Variants in FKBP6 observed in about 807,000 individuals in gnomAD.
The protein encoded by FKBP6 is inactive peptidyl-prolyl cis-trans isomerase FKBP6.
In FKBP6, 29 loss-of-function variants were observed where a neutral mutation model predicts 41.7. The observed-to-expected ratio is 0.70, with a 90% CI of 0.52 to 0.95. FKBP6 has a LOEUF of 0.95. Ranked by LOEUF, FKBP6 falls within the 40% of genes least tolerant of loss-of-function variation. The pLI, the probability that FKBP6 is intolerant of heterozygous loss-of-function variation, is 0.00. For missense variants in FKBP6, 338 were observed against 408.7 expected, an observed-to-expected ratio of 0.83 and a Z score of 1.49; for synonymous variants, 130 against 165.1, an observed-to-expected ratio of 0.79 and a Z score of 1.63.
chr7:73,331,153 A>G (rs1455871018), intron 4 of FKBP6, among the ~76,000 whole-genome samples: 3 of 152,190 alleles, frequency 2.0e-5, no homozygotes, highest in African/African-American at 4.8e-5. Flanking sequence ...GAGAGGCTCT[A>G]TGGGTGACTC....
intron 4 of FKBP6, among the ~76,000 whole-genome samples, chr7:73,331,007 C>T (rs1449611268): frequency 6.6e-6 from 1 of 152,252 alleles, no homozygotes; most frequent in Non-Finnish European, 1.5e-5. Flanking sequence ...CACATGGAGT[C>T]TCCCCAGCTA....
chr7:73,354,798 C>G (rs1805582899), intron 8 of FKBP6, among the ~76,000 whole-genome samples: 1 of 152,172 alleles, frequency 6.6e-6, no homozygotes, highest in Non-Finnish European at 1.5e-5. Flanking sequence ...CCAGGGTCTT[C>G]TCACCAGATG....
At chr7:73,347,612 T>A (rs189269255) in intron 8 of FKBP6, among the ~76,000 whole-genome samples, 2 of 152,356 alleles carry the variant, frequency 1.3e-5, no homozygotes, top group Admixed American at 1.3e-4. Flanking sequence ...ACTGATGTTC[T>A]TGGCTTCATA....
At chr7:73,354,959 G>A (rs1014362458) in intron 8 of FKBP6, among the ~76,000 whole-genome samples, 3 of 152,190 alleles carry the variant, frequency 2.0e-5, no homozygotes, top group South Asian at 2.1e-4. Context: ...TTTGTCCTCC[G>A]ATTTCCGACA....
chr7:73,350,082 C>T (rs782690124), intron 8 of FKBP6, among the ~76,000 whole-genome samples: 7 of 152,180 alleles, frequency 4.6e-5, no homozygotes, highest in Non-Finnish European at 8.8e-5. Flanking sequence ...ATATTTCTGA[C>T]TATGTCACAG....
chr7:73,329,493 G>A (rs1554547164), intron 3 of FKBP6, 44 bp downstream of exon 3: 2 of 1,157,814 alleles, frequency 1.7e-6, no homozygotes, highest in Non-Finnish European at 2.6e-6. Flanking sequence ...TTGTTTAGGG[G>A]CTAGATGAGG....
rs1394109875 is a variant in FKBP6 at position 73,328,205 on chromosome 7, A to G, written c.-224A>G. 1.9e-6 allele frequency: 3 copies of G among 1,548,308 alleles called. No individual in the cohort carries two copies. Among genetic ancestry groups the G allele is most frequent in the African/African-American group, 1.4e-5 (1 of 72,876 alleles). On this transcript the variant is annotated 5_prime_UTR_variant, in exon 1 of 9. Coordinates refer to ENST00000252037, the MANE Select transcript of FKBP6 (RefSeq NM_003602.5). ...CATTACGGATCATACCTCGCACCTCACCGCGTGGCCTCTGTAGTTCCAGAG... is the reference window on the plus strand; with the variant it reads ...CATTACGGATCATACCTCGCACCTCGCCGCGTGGCCTCTGTAGTTCCAGAG...
intron 8 of FKBP6, among the ~76,000 whole-genome samples, chr7:73,348,420 T>C (rs12539763): frequency 0.12 from 18,988 of 152,216 alleles, 1,317 homozygotes; most frequent in Middle Eastern, 0.18. Context: ...TAGGCTTCCG[T>C]CCACATCCTC....
At chr7:73,355,217 G>A (rs1554551757) in intron 8 of FKBP6, among the ~76,000 whole-genome samples, 1 of 152,196 alleles carries the variant, frequency 6.6e-6, no homozygotes, top group African/African-American at 2.4e-5. Context: ...GTCGGCTGTG[G>A]ACCTTTGTCT....
intron 8 of FKBP6, among the ~76,000 whole-genome samples, chr7:73,348,479 C>A (rs146085420): frequency 1.1e-4 from 16 of 152,330 alleles, no homozygotes; most frequent in African/African-American, 3.8e-4. Context: ...CTTCGCAACA[C>A]TCAGGACTTC....
chr7:73,342,009 G>A (rs782056835), intron 7 of FKBP6, among the ~76,000 whole-genome samples: 10 of 151,738 alleles, frequency 6.6e-5, no homozygotes, highest in South Asian at 6.3e-4. Context: ...TCTTCCCTGC[G>A]TGCTCCACCA....
At chr7:73,356,235 G>A (rs1263208072) in intron 8 of FKBP6, among the ~76,000 whole-genome samples, 4 of 152,132 alleles carry the variant, frequency 2.6e-5, no homozygotes, top group African/African-American at 9.7e-5. Context: ...ATTCCATCCT[G>A]TCAGGATATG....
intron 5 of FKBP6, among the ~76,000 whole-genome samples, chr7:73,335,814 G>A (rs140135807): frequency 5.8e-4 from 88 of 152,202 alleles, no homozygotes; most frequent in Admixed American, 2.2e-3. Context: ...TCCTTTTCCT[G>A]TCCTTTGCTT....
intron 5 of FKBP6, among the ~76,000 whole-genome samples, chr7:73,332,394 A>G (rs1804875135): frequency 6.6e-6 from 1 of 151,652 alleles, no homozygotes; most frequent in South Asian, 2.1e-4. Flanking sequence ...GAGGCAAGAG[A>G]ATCACTTGAA....
intron 8 of FKBP6, among the ~76,000 whole-genome samples, chr7:73,350,029 G>C (rs921451615): frequency 6.6e-6 from 1 of 152,128 alleles, no homozygotes; most frequent in African/African-American, 2.4e-5. Context: ...GATTCTGGGG[G>C]TTTTAGGAAC....
intron 5 of FKBP6, among the ~76,000 whole-genome samples, chr7:73,332,871 C>A (rs1254849570): frequency 6.6e-6 from 1 of 152,192 alleles, no homozygotes; most frequent in South Asian, 2.1e-4. Flanking sequence ...GCTCATTTGG[C>A]GATTCTAGCC....
At chr7:73,354,524 A>AC (rs1805575222) in intron 8 of FKBP6, among the ~76,000 whole-genome samples, 1 of 152,214 alleles carries the variant, frequency 6.6e-6, no homozygotes, top group African/African-American at 2.4e-5. Context: ...CGGGCTGGCC[A>AC]GAGTGTCACA....
At chr7:73,330,447 C>G in intron 4 of FKBP6, 95 bp downstream of exon 4, 1 of 970,234 alleles carries the variant, frequency 1.0e-6, no homozygotes, top group Non-Finnish European at 1.6e-6. Flanking sequence ...TGAGGCTGAT[C>G]GTCCTCTCCA....
chr7:73,341,664 C>CT (rs5884907), intron 7 of FKBP6, among the ~76,000 whole-genome samples: 20,341 of 134,220 alleles, frequency 0.15, 1,760 homozygotes, highest in East Asian at 0.27. Context: ...GAGGGTGTCA[C>CT]TTTTTTTTTT....
Sources: gnomAD v4.1 joint callset for allele counts (sites outside exome capture counted in the v4.1 genomes callset) on GRCh38, gnomAD v4.1.1 for gene constraint, MANE v1.5 for transcripts, NCBI Gene and HGNC (gene_info 2026-07-23, HGNC 2026-07-21) for gene names.